The following SVEP1 variants were observed in gnomAD, a reference collection of about 807,000 sequenced individuals.
The protein encoded by SVEP1 is sushi, von Willebrand factor type A, EGF and pentraxin domain-containing protein 1.
A neutral mutation model predicts 367.3 loss-of-function variants in SVEP1; 164 were observed. That is an observed-to-expected ratio of 0.45 (90% confidence interval 0.39 to 0.51). SVEP1 has a LOEUF of 0.51. SVEP1 is among the 20% of genes least tolerant of loss of function. The pLI is 0.00. For synonymous variants in SVEP1, 1,666 were observed against 1,611.6 expected (o/e 1.03, Z -0.81); for missense variants, 4,117 against 4,425.3 (o/e 0.93, Z 1.98).
chr9:110,447,124 T>C, intron 24 of SVEP1, 67 bp from the exon 25 acceptor site: 4 of 1,292,652 alleles, frequency 3.1e-6, no homozygotes, highest in Non-Finnish European at 3.9e-6. Flanking sequence ...ATGATAATCT[T>C]ATCTCGAAAG....
chr9:110,427,302 C>CA (rs61616981), intron 36 of SVEP1, among the ~76,000 whole-genome samples: 6,871 of 81,674 alleles, frequency 0.084, 342 homozygotes, highest in Non-Finnish European at 0.11. Flanking sequence ...GACTCTGTCT[C>CA]AAAAAAAAAA....
intron 1 of SVEP1, among the ~76,000 whole-genome samples, chr9:110,556,300 A>G (rs576446532): frequency 9.2e-5 from 14 of 152,232 alleles, no homozygotes; most frequent in African/African-American, 3.4e-4. Context: ...ACTGTTTTGA[A>G]AAATGGTCTT....
chr9:110,375,485 A>AG, intron 45 of SVEP1, 22 bp from the exon 46 acceptor site: 2 of 1,490,750 alleles, frequency 1.3e-6, no homozygotes, highest in Non-Finnish European at 1.8e-6. Flanking sequence ...AAAAAAAAAA[A>AG]AAAAAGGAGG....
intron 24 of SVEP1, among the ~76,000 whole-genome samples, chr9:110,447,550 G>A (rs1828622078): frequency 6.6e-6 from 1 of 152,172 alleles, no homozygotes; most frequent in African/African-American, 2.4e-5. Flanking sequence ...TAATCAGGAT[G>A]CTATATAGTT....
intron 1 of SVEP1, among the ~76,000 whole-genome samples, chr9:110,575,272 G>T (rs1588115102): frequency 6.6e-6 from 1 of 152,266 alleles, no homozygotes; most frequent in African/African-American, 2.4e-5. Context: ...AGACAGAGTA[G>T]GTCTTGAGGG....
At chr9:110,516,418 G>A (rs1014787293) in intron 3 of SVEP1, among the ~76,000 whole-genome samples, 2 of 151,586 alleles carry the variant, frequency 1.3e-5, no homozygotes, top group African/African-American at 2.4e-5. Flanking sequence ...ATGAATGAAG[G>A]AAACACTTAA....
chr9:110,381,175 T>G (rs1194953558), intron 43 of SVEP1, among the ~76,000 whole-genome samples: 1 of 152,200 alleles, frequency 6.6e-6, no homozygotes, highest in African/African-American at 2.4e-5. Context: ...AATTGATTGT[T>G]TTGAAGGGCT....
intron 40 of SVEP1, among the ~76,000 whole-genome samples, chr9:110,394,695 C>T (rs933759908): frequency 3.3e-5 from 5 of 152,266 alleles, no homozygotes; most frequent in Admixed American, 6.5e-5. Context: ...ACGAGAACTA[C>T]GTGACCAGTG....
chr9:110,427,164 G>A (rs906010660), intron 36 of SVEP1, among the ~76,000 whole-genome samples: 1 of 151,918 alleles, frequency 6.6e-6, no homozygotes, highest in African/African-American at 2.4e-5. Flanking sequence ...CGGGTGTGGT[G>A]GCAGGCGCCT....
At position 110,512,057 on chromosome 9, in the gene SVEP1, G is replaced by A. The variant is rs1441380153; in HGVS notation, c.1303+869C>T. Among the ~76,000 whole-genome samples the A allele has an allele frequency of 1.3e-5, 2 of 152,050 alleles. 1 individual carries two copies. The highest frequency in any genetic ancestry group is 2.9e-5 in the Non-Finnish European group (2 of 68,014). On this transcript the variant is annotated intron_variant, in intron 5 of 47. Transcript: ENST00000374469. ...TCAACAAATAATTTTTTAGTATAAG[G>A]AGGTTCCAAATCTTGCAGGGGACCC...
At chr9:110,445,613 GA>G (rs765063769) in intron 26 of SVEP1, among the ~76,000 whole-genome samples, 1 of 152,164 alleles carries the variant, frequency 6.6e-6, no homozygotes, top group Non-Finnish European at 1.5e-5. Flanking sequence ...TAATACATAT[GA>G]AAAGACTTAG....
chr9:110,514,299 G>A (rs1228483338), intron 3 of SVEP1, 193 bp from the exon 4 acceptor site: 2 of 635,532 alleles, frequency 3.1e-6, no homozygotes, highest in African/African-American at 3.7e-5. Context: ...ATCACCTGAG[G>A]TCAGGAGTTT....
chr9:110,403,984 T>C (rs1204653215), intron 39 of SVEP1, among the ~76,000 whole-genome samples: 2 of 152,130 alleles, frequency 1.3e-5, no homozygotes, highest in East Asian at 3.9e-4. Flanking sequence ...CTGCAAACTT[T>C]TGTCTTTCCA....
At chr9:110,566,062 T>C (rs1830488077) in intron 1 of SVEP1, among the ~76,000 whole-genome samples, 1 of 152,034 alleles carries the variant, frequency 6.6e-6, no homozygotes. Flanking sequence ...CTGACACTTG[T>C]AATCCTAGCA....
chr9:110,528,156 G>GTGTGTGTA, intron 3 of SVEP1, among the ~76,000 whole-genome samples: 66 of 33,948 alleles, frequency 1.9e-3, no homozygotes, highest in African/African-American at 1.7e-3. Flanking sequence ...GTGTGTGTGT[G>GTGTGTGTA]TATATATATA....
At chr9:110,508,124 C>T (rs752872282) in intron 5 of SVEP1, among the ~76,000 whole-genome samples, 2 of 152,014 alleles carry the variant, frequency 1.3e-5, no homozygotes, top group African/African-American at 2.4e-5. Context: ...TTCAACATGC[C>T]GAAAAATCCT....
rs780769857 is a variant in SVEP1 at position 110,436,522 on chromosome 9, G to A, written c.4640-18C>T. ...ACCACCACCTAAGGAGAGAGAAAGA[G>A]AAAGAAAAGGAGGAAAACTGGCCTG... On this transcript the variant is annotated intron_variant, in intron 27 of 47. Transcript: ENST00000374469. 9.3e-6 allele frequency: 15 copies of A among 1,610,062 alleles called. No homozygotes were observed. The South Asian group carries it at 9.9e-5, about 11-fold the overall frequency.
At chr9:110,445,541 C>G (rs564720014) in intron 26 of SVEP1, among the ~76,000 whole-genome samples, 1 of 152,156 alleles carries the variant, frequency 6.6e-6, no homozygotes, top group Non-Finnish European at 1.5e-5. Context: ...CTTTCTGAAA[C>G]TTTATTCTAC....
chr9:110,404,465 G>A lies in SVEP1; in HGVS notation c.9528C>T (p.Cys3176=). ...DGRWFPERIS[C]SPKKCPLPEN... The stretch of plus-strand genomic sequence containing the variant: ...CCGGGAGAGGACATTTTTTAGGACT[G>A]CAGGAGATTCTCTCAGGGAACCAGC... Residue 3176 remains cysteine, a synonymous_variant, in exon 39 of 48, where the codon TGC becomes TGT. Transcript: ENST00000374469. 6.2e-7 allele frequency: 1 copy of A among 1,613,972 alleles called. No individual in the cohort carries two copies.
Sources: allele counts gnomAD v4.1 joint callset (sites outside exome capture counted in the v4.1 genomes callset), GRCh38; gene constraint gnomAD v4.1.1; transcripts MANE v1.5; gene names NCBI Gene and HGNC (gene_info 2026-07-23, HGNC 2026-07-21).